SREBF1: variants seen among roughly 807,000 people sequenced by gnomAD.
The protein encoded by SREBF1 is sterol regulatory element-binding protein 1.
A neutral mutation model predicts 100.1 loss-of-function variants in SREBF1; 45 were observed. That is an observed-to-expected ratio of 0.45 (90% confidence interval 0.35 to 0.58). SREBF1 has a LOEUF of 0.58. SREBF1 is among the 20% of genes least tolerant of loss of function. The pLI is 0.00. For missense variants in SREBF1, 1,324 were observed against 1,539.4 expected, an observed-to-expected ratio of 0.86 and a Z score of 2.34; for synonymous variants, 657 against 681.8, an observed-to-expected ratio of 0.96 and a Z score of 0.57.
In SREBF1 at chr17:17,820,394, A is replaced by G. The variant is rs1598125645; in HGVS notation, c.219T>C (p.Ser73=). 4 of 1,612,446 alleles carry G rather than the reference A, an allele frequency of 2.5e-6. No homozygotes were observed. The highest frequency in any genetic ancestry group is 3.4e-6 in the Non-Finnish European group (4 of 1,178,788). The change falls in exon 2 of 19, where the codon TCT becomes TCC. Residue 73 remains serine, a synonymous_variant. Transcript: ENST00000261646. ...SPDTSSPGSL[S]PPPATLSSSL... ...AGGAGCTCAATGTGGCAGGAGGTGG[A>G]GACAAGCTGCCTGGGGAGCTGGTAT...
intron 1 of SREBF1, among the ~76,000 whole-genome samples, chr17:17,828,753 A>C (rs2034644985): frequency 6.6e-6 from 1 of 152,058 alleles, no homozygotes. Flanking sequence ...CCATCTCTAC[A>C]AAGTTTTAAA....
At chr17:17,818,160 A>C (rs2033789926) in intron 6 of SREBF1, 100 bp downstream of exon 6, 9 of 954,526 alleles carry the variant, frequency 9.4e-6, no homozygotes, top group Non-Finnish European at 1.4e-5. Flanking sequence ...AGGGTGGGCC[A>C]GAACCAAGGG....
chr17:17,814,491 G>A (rs2033324276), intron 15 of SREBF1, 81 bp from the exon 16 acceptor site: 3 of 1,539,398 alleles, frequency 1.9e-6, no homozygotes, highest in African/African-American at 1.4e-5. Flanking sequence ...CCTGGCTCGA[G>A]TTCCCTGAGG....
Position 17,814,888 on chromosome 17 carries a change from G to A in SREBF1, c.2549C>T (p.Ala850Val), listed in dbSNP as rs768989117. ...LQLLNSCSDAAGAPAYSFSIS... is the reference protein window; with the variant it reads ...LQLLNSCSDAVGAPAYSFSIS... Reference sequence around the variant, plus strand: ...GGAGAAGCTGTAGGCAGGAGCCCCCGCAGCATCAGAACAGCTGTTCAGCAG... The same window carrying A: ...GGAGAAGCTGTAGGCAGGAGCCCCCACAGCATCAGAACAGCTGTTCAGCAG... Residue 850 changes from alanine (A) to valine (V), a missense_variant, in exon 14 of 19, where the codon GCG (alanine) becomes GTG (valine). Physicochemically the swap from Ala to Val is moderately conservative, Grantham distance 64. Coordinates refer to ENST00000261646, the MANE Select transcript of SREBF1 (RefSeq NM_004176.5). 2.0e-5 allele frequency: 31 copies of A among 1,585,366 alleles called. 1 individual carries two copies. The highest frequency in any genetic ancestry group is 1.7e-4 in the South Asian group (15 of 87,444).
intron 1 of SREBF1, among the ~76,000 whole-genome samples, chr17:17,832,813 C>T (rs564101415): frequency 2.0e-5 from 3 of 152,010 alleles, no homozygotes; most frequent in South Asian, 4.2e-4. Flanking sequence ...CCAAGCTACT[C>T]GGGAGGCTGA....
At chr17:17,830,827 C>T (rs1472146984) in intron 1 of SREBF1, among the ~76,000 whole-genome samples, 5 of 152,238 alleles carry the variant, frequency 3.3e-5, no homozygotes, top group Middle Eastern at 3.2e-3. Context: ...CACACACAGC[C>T]GCCCCTGTGG....
intron 1 of SREBF1, among the ~76,000 whole-genome samples, chr17:17,833,353 G>A (rs1448232472): frequency 6.9e-6 from 1 of 145,446 alleles, no homozygotes; most frequent in South Asian, 2.2e-4. Flanking sequence ...CCTGGGAGGC[G>A]GAGCTTGCAG....
In SREBF1 at chr17:17,816,622, G is replaced by A. The variant is rs2033619871; in HGVS notation, c.1882C>T (p.Leu628Phe). ...TSHLDLACSLLWNLIRHLLQR... is the reference protein window; with the variant it reads ...TSHLDLACSLFWNLIRHLLQR... The stretch of plus-strand genomic sequence containing the variant: ...AGCAGGTGACGGATGAGGTTCCAGA[G>A]GAGGCTACAAGCCAGGTCCAGGTGG... Residue 628 changes from leucine (L) to phenylalanine (F), a missense_variant, in exon 10 of 19, where the codon CTC (leucine) becomes TTC (phenylalanine). Leu to Phe is a conservative substitution (Grantham distance 22). Coordinates refer to ENST00000261646, the MANE Select transcript of SREBF1 (RefSeq NM_004176.5). 6.2e-7 allele frequency: 1 copy of A among 1,604,370 alleles called. No individual in the cohort carries two copies. Among genetic ancestry groups the A allele is most frequent in the Non-Finnish European group, 8.5e-7 (1 of 1,176,428 alleles).
At chr17:17,823,521 C>G (rs757550989) in intron 1 of SREBF1, 1 of 1,612,364 alleles carries the variant, frequency 6.2e-7, no homozygotes, top group Non-Finnish European at 8.5e-7. Context: ...AAAATACCTT[C>G]GAAAGTGCAA....
Position 17,812,467 on chromosome 17 carries a change from C to A in SREBF1, c.*155G>T. Reference sequence around the variant, plus strand: ...TAGGGTCAAGATCGCGCCCCTCGGGCCTTCCACCGCGAAGGCACACAGCAG... The same window carrying A: ...TAGGGTCAAGATCGCGCCCCTCGGGACTTCCACCGCGAAGGCACACAGCAG... On this transcript the variant is annotated 3_prime_UTR_variant, in exon 19 of 19. Transcript: ENST00000261646. 1 of 784,034 alleles carries A rather than the reference C, an allele frequency of 1.3e-6. No homozygotes were observed. Among genetic ancestry groups the A allele is most frequent in the Non-Finnish European group, 2.0e-6 (1 of 496,398 alleles). 48.6% of individuals were successfully genotyped at this position (784,034 alleles called of 1,614,324 possible). A position where few individuals can be genotyped will look rare whatever the true frequency, so the allele number is the denominator to read the frequency against.
intron 1 of SREBF1, chr17:17,823,403 G>T: frequency 1.2e-6 from 1 of 849,234 alleles, no homozygotes; most frequent in Non-Finnish European, 2.0e-6. Context: ...TTCTCCCTCG[G>T]GAAGGGGCTC....
chr17:17,823,807 C>T (rs534395591), intron 1 of SREBF1, among the ~76,000 whole-genome samples: 1 of 151,696 alleles, frequency 6.6e-6, no homozygotes, highest in East Asian at 1.9e-4. Flanking sequence ...GGGCCCGGCC[C>T]CGGCCCCCGC....
chr17:17,821,916 C>G (rs1244646252), intron 1 of SREBF1, among the ~76,000 whole-genome samples: 1 of 152,246 alleles, frequency 6.6e-6, no homozygotes, highest in Non-Finnish European at 1.5e-5. Context: ...ACCCCTAATC[C>G]TCACCCACAG....
intron 1 of SREBF1, among the ~76,000 whole-genome samples, chr17:17,828,391 C>T (rs2034620894): frequency 6.6e-6 from 1 of 152,256 alleles, no homozygotes; most frequent in Non-Finnish European, 1.5e-5. Context: ...AGCCACGTTT[C>T]CTCCTCCCCA....
In SREBF1 at chr17:17,814,651, A is replaced by G. The variant is rs1338103980; in HGVS notation, c.2699T>C (p.Leu900Pro). Residue 900 changes from leucine to proline, a missense_variant, in exon 15 of 19, where the codon CTG becomes CCG. By Grantham distance (98) the Leu-to-Pro change is moderately conservative (BLOSUM62 -3). Transcript: ENST00000261646. ...CAGCACCCGGGGCAGGTGCTCCACCAGCGGGCACAGCCGCTCAGCCGCCTC... is the reference window on the plus strand; with the variant it reads ...CAGCACCCGGGGCAGGTGCTCCACCGGCGGGCACAGCCGCTCAGCCGCCTC... ...DEEAAERLCP[L>P]VEHLPRVLQE... 6.4e-6 allele frequency: 10 copies of G among 1,556,258 alleles called. No individual in the cohort carries two copies. Among genetic ancestry groups the G allele is most frequent in the Non-Finnish European group, 7.8e-6 (9 of 1,155,358 alleles).
chr17:17,819,795 T>G lies in SREBF1; in HGVS notation c.524-70A>C. 5 of 1,496,196 alleles carry G rather than the reference T, an allele frequency of 3.3e-6. No homozygotes were observed. The South Asian group carries it at 6.4e-5, about 19-fold the overall frequency. 92.7% of individuals were successfully genotyped at this position (1,496,196 alleles called of 1,614,324 possible). A position where few individuals can be genotyped will look rare whatever the true frequency, so the allele number is the denominator to read the frequency against. ...CCACTTTCAACCTGCTCTTCAGGTC[T>G]CTATCACCGACTGGCCTTGGATGAG... On this transcript the variant is annotated intron_variant, in intron 2 of 18. Coordinates refer to ENST00000261646, the MANE Select transcript of SREBF1 (RefSeq NM_004176.5).
intron 1 of SREBF1, among the ~76,000 whole-genome samples, chr17:17,827,494 T>A (rs140556398): frequency 2.0e-4 from 30 of 152,322 alleles, no homozygotes; most frequent in African/African-American, 7.2e-4. Context: ...GGCACTTCCT[T>A]GATCCTCCTA....
Position 17,820,520 on chromosome 17 carries a change from G to A in SREBF1, c.93C>T (p.Asp31=). The change falls in exon 2 of 19, where the codon GAC becomes GAT. Residue 31 remains aspartate, a splice_region_variant and synonymous_variant. Coordinates refer to ENST00000261646, the MANE Select transcript of SREBF1 (RefSeq NM_004176.5). ...LDAALLTDIE[D]MLQLINNQDS... is the part of the protein sequence containing the mutation. ...CTTGGTTGTTGATAAGCTGAAGCAT[G>A]TCTGTGAAAAGGAGAAGAGGGTGCG... is the stretch of plus-strand genomic sequence containing the variant. 1.2e-6 allele frequency: 2 copies of A among 1,613,494 alleles called. No homozygotes were observed. The highest frequency in any genetic ancestry group is 1.7e-6 in the Non-Finnish European group (2 of 1,179,766).
intron 1 of SREBF1, among the ~76,000 whole-genome samples, chr17:17,833,175 G>A (rs979517224): frequency 1.3e-5 from 2 of 151,614 alleles, no homozygotes; most frequent in African/African-American, 2.4e-5. Flanking sequence ...TGTAATTCCA[G>A]AACGTTGGGA....
Sources: gnomAD v4.1 joint callset for allele counts (sites outside exome capture counted in the v4.1 genomes callset) on GRCh38, gnomAD v4.1.1 for gene constraint, MANE v1.5 for transcripts, NCBI Gene and HGNC (gene_info 2026-07-23, HGNC 2026-07-21) for gene names.